SYNPO2: variants seen among roughly 807,000 people sequenced by gnomAD.
SYNPO2 encodes synaptopodin 2.
SYNPO2 carries 56 observed loss-of-function variants against 85.0 expected under a neutral mutation model. The observed-to-expected ratio is 0.66, with a 90% confidence interval of 0.53 to 0.82. SYNPO2 has a LOEUF of 0.82. SYNPO2 is among the 40% of genes least tolerant of loss of function. SYNPO2 has a pLI of 0.00. For synonymous variants in SYNPO2, 602 were observed against 591.1 expected (o/e 1.02, Z -0.27); for missense variants, 1,575 against 1,534.2 (o/e 1.03, Z -0.44).
intron 1 of SYNPO2, among the ~76,000 whole-genome samples, chr4:118,993,904 T>A (rs1389110964): frequency 2.6e-5 from 4 of 152,264 alleles, no homozygotes; most frequent in African/African-American, 9.6e-5. Context: ...AAGCACGGAA[T>A]GATTTAATGC....
chr4:118,889,238 GTAT>G, intron 1 of SYNPO2, 97 bp downstream of exon 1: 1 of 1,140,806 alleles, frequency 8.8e-7, no homozygotes, highest in Admixed American at 2.7e-5. Flanking sequence ...AGAAGTCTAA[GTAT>G]TATTTGATTT....
chr4:118,994,164 C>T (rs6534118), intron 1 of SYNPO2, among the ~76,000 whole-genome samples: 54,926 of 152,144 alleles, frequency 0.36, 10,038 homozygotes, highest in Admixed American at 0.4. Flanking sequence ...CACTGTGCTC[C>T]GCTGGTGATG....
At chr4:118,945,755 G>GT (rs144301877) in intron 1 of SYNPO2, among the ~76,000 whole-genome samples, 70 of 150,578 alleles carry the variant, frequency 4.6e-4, no homozygotes, top group Non-Finnish European at 4.7e-4. Flanking sequence ...TTTATTTTTT[G>GT]TTTTTTTTTG....
intron 1 of SYNPO2, among the ~76,000 whole-genome samples, chr4:118,995,042 T>G (rs1736537244): frequency 6.6e-6 from 1 of 152,236 alleles, no homozygotes; most frequent in African/African-American, 2.4e-5. Context: ...ATTCAGTTCA[T>G]TCTTTTAGAC....
chr4:118,900,391 C>G (rs1732681448), intron 1 of SYNPO2, among the ~76,000 whole-genome samples: 1 of 152,004 alleles, frequency 6.6e-6, no homozygotes, highest in African/African-American at 2.4e-5. Context: ...TCCTTAGGTT[C>G]CACAAGTATT....
intron 1 of SYNPO2, among the ~76,000 whole-genome samples, chr4:118,915,100 T>C (rs1016180508): frequency 1.3e-5 from 2 of 152,030 alleles, no homozygotes; most frequent in African/African-American, 2.4e-5. Context: ...TTTTTAGTTA[T>C]TTAAATTTAT....
intron 2 of SYNPO2, among the ~76,000 whole-genome samples, chr4:119,025,743 C>T (rs1336193118): frequency 6.6e-6 from 1 of 152,154 alleles, no homozygotes; most frequent in Non-Finnish European, 1.5e-5. Flanking sequence ...GCATTTCCTA[C>T]AGCTGTTCTG....
chr4:118,896,818 C>T (rs1732563954), intron 1 of SYNPO2, among the ~76,000 whole-genome samples: 1 of 152,146 alleles, frequency 6.6e-6, no homozygotes, highest in Non-Finnish European at 1.5e-5. Flanking sequence ...CCATTTGGAA[C>T]ATTGTGAATG....
chr4:119,046,938 T>C (rs1738888443), intron 4 of SYNPO2, among the ~76,000 whole-genome samples: 1 of 152,232 alleles, frequency 6.6e-6, no homozygotes, highest in African/African-American at 2.4e-5. Flanking sequence ...GAAAATTTAA[T>C]CTAAAAGTTA....
At chr4:119,035,139 T>C in intron 4 of SYNPO2, 1 of 985,460 alleles carries the variant, frequency 1.0e-6, no homozygotes, top group Non-Finnish European at 1.2e-6. Context: ...GGCACTGGAA[T>C]ATAAATGAAA....
intron 1 of SYNPO2, among the ~76,000 whole-genome samples, chr4:118,983,160 T>G (rs10434027): frequency 0.25 from 37,943 of 152,030 alleles, 4,812 homozygotes; most frequent in East Asian, 0.3. Context: ...CCGGTTTTCT[T>G]CCCTTCATTG....
intron 1 of SYNPO2, among the ~76,000 whole-genome samples, chr4:118,873,652 G>T (rs1406043912): frequency 6.6e-6 from 1 of 152,080 alleles, no homozygotes; most frequent in East Asian, 1.9e-4. Context: ...TCCACAGGTT[G>T]TGTGTTCGCT....
chr4:118,872,226 C>T (rs1731816187), intron 1 of SYNPO2, among the ~76,000 whole-genome samples: 1 of 152,070 alleles, frequency 6.6e-6, no homozygotes, highest in Non-Finnish European at 1.5e-5. Flanking sequence ...ATCTGAATAA[C>T]GTACATTGTA....
chr4:119,026,757 G>A lies in SYNPO2; in HGVS notation c.388G>A (p.Glu130Lys), dbSNP rs1287833722. 6.2e-7 allele frequency: 1 copy of A among 1,614,072 alleles called. No individual in the cohort carries two copies. Among genetic ancestry groups the A allele is most frequent in the Non-Finnish European group, 8.5e-7 (1 of 1,180,050 alleles). The change falls in exon 3 of 5, where the codon GAA becomes AAA. Residue 130 changes from glutamate (E) to lysine (K), a missense_variant. Glu to Lys is a moderately conservative substitution (Grantham distance 56). Coordinates refer to ENST00000307142, the MANE Select transcript of SYNPO2 (RefSeq NM_133477.3). ...IRPATKTQCTEFFLAPVKTEV... is the reference protein window; with the variant it reads ...IRPATKTQCTKFFLAPVKTEV... Reference sequence around the variant, plus strand: ...ACCGGCCACAAAGACCCAGTGCACAGAATTCTTCCTCGCCCCTGTCAAGAC... The same window carrying A: ...ACCGGCCACAAAGACCCAGTGCACAAAATTCTTCCTCGCCCCTGTCAAGAC...
intron 1 of SYNPO2, among the ~76,000 whole-genome samples, chr4:118,876,646 T>TCTTTCTTCCTTCCTTCCTTC (rs940398503): frequency 2.0e-5 from 3 of 148,418 alleles, no homozygotes; most frequent in African/African-American, 2.5e-5. Flanking sequence ...TTCCTTCCTT[T>TCTTTCTTCCTTCCTTCCTTC]CTTCCTTCCT....
intron 4 of SYNPO2, among the ~76,000 whole-genome samples, chr4:119,041,559 T>G (rs1418900693): frequency 6.6e-6 from 1 of 152,218 alleles, no homozygotes; most frequent in East Asian, 1.9e-4. Context: ...AGATCATAAT[T>G]CTTCACGTAA....
chr4:119,050,344 A>C (rs970021151), intron 4 of SYNPO2, among the ~76,000 whole-genome samples: 3 of 152,104 alleles, frequency 2.0e-5, no homozygotes, highest in Admixed American at 1.3e-4. Context: ...AAAAAAAAAA[A>C]AGATATTCTC....
At chr4:118,899,300 T>A (rs1732644535) in intron 1 of SYNPO2, among the ~76,000 whole-genome samples, 1 of 152,210 alleles carries the variant, frequency 6.6e-6, no homozygotes, top group South Asian at 2.1e-4. Flanking sequence ...AAAGAAAACT[T>A]TAAAGCATGA....
In SYNPO2 at chr4:119,060,024, T is replaced by C. The variant is rs1739360604; in HGVS notation, c.*2090T>C. 1 of 152,178 alleles carries C rather than the reference T, an allele frequency of 6.6e-6. No homozygotes were observed. Among genetic ancestry groups the C allele is most frequent in the South Asian group, 2.1e-4 (1 of 4,836 alleles). 9.4% of individuals were successfully genotyped at this position (152,178 alleles called of 1,614,324 possible). A position where few individuals can be genotyped will look rare whatever the true frequency, so the allele number is the denominator to read the frequency against. ...ATTTATTATAGTGGTTTAATCATTT[T>C]AGATTTGAATGTTTTAAGATAGGAG... On this transcript the variant is annotated 3_prime_UTR_variant, in exon 5 of 5. Coordinates refer to ENST00000307142, the MANE Select transcript of SYNPO2 (RefSeq NM_133477.3).
Sources: gnomAD v4.1 joint callset for allele counts (sites outside exome capture counted in the v4.1 genomes callset) on GRCh38, gnomAD v4.1.1 for gene constraint, MANE v1.5 for transcripts, NCBI Gene and HGNC (gene_info 2026-07-23, HGNC 2026-07-21) for gene names.